The following BCR variants were observed in gnomAD, a reference collection of about 807,000 sequenced individuals.
The protein encoded by BCR is breakpoint cluster region protein.
In BCR, 58 loss-of-function variants were observed where a neutral mutation model predicts 138.6. That is an observed-to-expected ratio of 0.42 (90% CI 0.34 to 0.52). The LOEUF is 0.52. BCR is among the 20% of genes least tolerant of loss of function. The pLI, the probability that BCR is intolerant of heterozygous loss-of-function variation, is 0.06. For synonymous variants in BCR, 786 were observed against 730.1 expected, an observed-to-expected ratio of 1.08 and a Z score of -1.23; for missense variants, 1,599 against 1,727.2, an observed-to-expected ratio of 0.93 and a Z score of 1.32.
rs140300986 is a variant in BCR at position 23,270,502 on chromosome 22, TTGGCTC to T, written c.1861-1028_1861-1023del. ...GCACCTGGTTTTTGCAGTCTTTTGT[TTGGCTC>T]TCCCACCCCCTTACACCCTTTGGGA... On this transcript the variant is annotated intron_variant, in intron 5 of 22. Transcript: ENST00000305877. 1.1e-4 allele frequency among the ~76,000 whole-genome samples: 16 copies of T among 152,280 alleles called. 1 individual carries two copies. The East Asian group carries it at 2.1e-3, about 20-fold the overall frequency.
At chr22:23,273,259 G>C in intron 7 of BCR, 126 bp downstream of exon 7, 1 of 1,047,734 alleles carries the variant, frequency 9.5e-7, no homozygotes, top group Non-Finnish European at 1.4e-6. Context: ...GGCATCTAAT[G>C]GGTAGAGGCC....
At chr22:23,207,514 T>C (rs1232417833) in intron 1 of BCR, among the ~76,000 whole-genome samples, 1 of 152,160 alleles carries the variant, frequency 6.6e-6, no homozygotes, top group Non-Finnish European at 1.5e-5. Flanking sequence ...TTCCAGCTAC[T>C]CTGGAGGCTG....
rs943441431 is a variant in BCR at position 23,209,554 on chromosome 22, A to G, written c.1279+27315A>G. Among the ~76,000 whole-genome samples, 3 of 150,668 alleles carry G rather than the reference A, an allele frequency of 2.0e-5. No individual in the cohort carries two copies. The East Asian group carries it at 5.9e-4, about 30-fold the overall frequency. Reference sequence around the variant, plus strand: ...TAATTTATTTATTCATTTTTATTTTATTTTTTTGAGATGGAGTCTCGCTCT... The same window carrying G: ...TAATTTATTTATTCATTTTTATTTTGTTTTTTTGAGATGGAGTCTCGCTCT... On this transcript the variant is annotated intron_variant, in intron 1 of 22. Coordinates refer to ENST00000305877, the MANE Select transcript of BCR (RefSeq NM_004327.4).
In BCR at chr22:23,181,935, A is replaced by G. The variant is rs1409495773; in HGVS notation, c.975A>G (p.Gly325=). Residue 325 remains glycine, a synonymous_variant, in exon 1 of 23, where the codon GGA becomes GGG. Coordinates refer to ENST00000305877, the MANE Select transcript of BCR (RefSeq NM_004327.4). ...CCCCCCGGAGTTTTGAGGATTGCGG[A>G]GGCGGCTATACCCCGGACTGCAGCT... ...SYSPRSFEDC[G]GGYTPDCSSN... 2 of 1,613,030 alleles carry G rather than the reference A, an allele frequency of 1.2e-6. No individual in the cohort carries two copies. The highest frequency in any genetic ancestry group is 3.3e-5 in the Admixed American group (2 of 59,988).
At chr22:23,260,722 G>C in intron 2 of BCR, 1 of 520,056 alleles carries the variant, frequency 1.9e-6, no homozygotes, top group South Asian at 2.0e-5. Context: ...AGTAAGGGTG[G>C]CCCTGGTGTT....
chr22:23,188,089 G>A (rs906873087), intron 1 of BCR, among the ~76,000 whole-genome samples: 34 of 152,166 alleles, frequency 2.2e-4, no homozygotes, highest in African/African-American at 6.5e-4. Flanking sequence ...TGGCTCCATC[G>A]TCATCTCTTA....
intron 2 of BCR, among the ~76,000 whole-genome samples, chr22:23,254,313 G>A (rs1220558818): frequency 6.6e-6 from 1 of 152,088 alleles, no homozygotes; most frequent in South Asian, 2.1e-4. Context: ...GTCTGGGCTT[G>A]GGTCCCTTTG....
chr22:23,306,956 CTT>C (rs1961917604), intron 16 of BCR: 1 of 152,512 alleles, frequency 6.6e-6, no homozygotes, highest in African/African-American at 2.4e-5. Context: ...CTTTCTGTCT[CTT>C]CTTACCTGGA....
At chr22:23,235,537 TC>T (rs2073013616) in intron 1 of BCR, among the ~76,000 whole-genome samples, 1 of 110,074 alleles carries the variant, frequency 9.1e-6, no homozygotes, top group African/African-American at 2.7e-5. Context: ...GCCCATGTGT[TC>T]CACGGCATAA....
chr22:23,288,666 G>A (rs906986695), intron 12 of BCR, among the ~76,000 whole-genome samples: 10 of 152,194 alleles, frequency 6.6e-5, no homozygotes, highest in Admixed American at 5.9e-4. Context: ...GGGCCCACTT[G>A]GGCATTCACA....
chr22:23,242,930 C>T, intron 1 of BCR: 1 of 455,484 alleles, frequency 2.2e-6, no homozygotes, highest in Non-Finnish European at 4.4e-6. Flanking sequence ...CACGGCATTC[C>T]TCGACCTGGT....
At chr22:23,233,551 G>C (rs111458425) in intron 1 of BCR, among the ~76,000 whole-genome samples, 1 of 152,280 alleles carries the variant, frequency 6.6e-6, no homozygotes, top group Non-Finnish European at 1.5e-5. Flanking sequence ...ACTTTGAGAG[G>C]CTGAGGCAAA....
intron 1 of BCR, among the ~76,000 whole-genome samples, chr22:23,213,728 G>C (rs2072714838): frequency 6.6e-6 from 1 of 152,096 alleles, no homozygotes; most frequent in Admixed American, 6.5e-5. Context: ...TACTCAGGAG[G>C]CTGAGGCAGG....
intron 16 of BCR, among the ~76,000 whole-genome samples, chr22:23,298,010 A>G (rs1273322780): frequency 2.0e-5 from 3 of 152,130 alleles, no homozygotes; most frequent in Non-Finnish European, 2.9e-5. Flanking sequence ...TCGAAGAAAA[A>G]CCCGAGCTGG....
intron 1 of BCR, among the ~76,000 whole-genome samples, chr22:23,198,595 G>A (rs2146207198): frequency 6.6e-6 from 1 of 152,286 alleles, no homozygotes; most frequent in East Asian, 1.9e-4. Context: ...GCTGTTCCCT[G>A]TGGCTGGTGG....
At chr22:23,211,572 G>A (rs993506070) in intron 1 of BCR, among the ~76,000 whole-genome samples, 2 of 151,300 alleles carry the variant, frequency 1.3e-5, no homozygotes, top group East Asian at 1.9e-4. Context: ...TGCAGCCTCC[G>A]CCTGCCGGGT....
In BCR at chr22:23,285,126, C is replaced by G. The variant is rs747785166; in HGVS notation, c.2331C>G (p.Pro777=). The G allele has an allele frequency of 1.8e-5, 29 of 1,614,072 alleles. No homozygotes were observed. The highest frequency in any genetic ancestry group is 1.3e-4 in the South Asian group (12 of 91,050). ...VDELEAVPNI[P]LVPDEELDAL... ...AACTGGAGGCAGTGCCCAACATCCCCCTGGTGCCCGATGAGGAGCTGGACG... is the reference window on the plus strand; with the variant it reads ...AACTGGAGGCAGTGCCCAACATCCCGCTGGTGCCCGATGAGGAGCTGGACG... Residue 777 remains proline (P), a synonymous_variant, in exon 10 of 23, where the codon CCC becomes CCG. Coordinates refer to ENST00000305877, the MANE Select transcript of BCR (RefSeq NM_004327.4).
chr22:23,305,028 G>A (rs972036113), intron 16 of BCR, among the ~76,000 whole-genome samples: 18 of 151,798 alleles, frequency 1.2e-4, no homozygotes, highest in Admixed American at 7.9e-4. Flanking sequence ...GCAAGAGAAT[G>A]GTTTGAAGCC....
chr22:23,181,289 C>G lies in BCR; in HGVS notation c.329C>G (p.Ala110Gly), dbSNP rs1936666179. Reference protein sequence around the residue: ...APADGADPPPAEEPEARPDGE... With the variant: ...APADGADPPPGEEPEARPDGE... ...GCCGACGGAGCCGACCCGCCGCCCG[C>G]CGAGGAGCCCGAGGCCCGGCCCGAC... Residue 110 changes from alanine to glycine, a missense_variant, in exon 1 of 23, where the codon GCC (alanine) becomes GGC (glycine). This residue lies in a region of BCR where 806 missense variants were observed against 635.0 expected (regional missense o/e 1.27). Coordinates refer to ENST00000305877, the MANE Select transcript of BCR (RefSeq NM_004327.4). The G allele has an allele frequency of 1.5e-6, 2 of 1,307,192 alleles. No homozygotes were observed. The highest frequency in any genetic ancestry group is 2.0e-6 in the Non-Finnish European group (2 of 1,023,786). 81.0% of individuals were successfully genotyped at this position (1,307,192 alleles called of 1,614,324 possible).
Sources: allele counts gnomAD v4.1 joint callset (sites outside exome capture counted in the v4.1 genomes callset), GRCh38; gene constraint gnomAD v4.1.1; regional missense constraint gnomAD v4.1.1; transcripts MANE v1.5; gene names NCBI Gene and HGNC (gene_info 2026-07-23, HGNC 2026-07-21).